The following HECTD3 variants were observed in gnomAD, a reference collection of about 807,000 sequenced individuals.
HECTD3 encodes the protein HECT domain E3 ubiquitin protein ligase 3, also known as E3 ubiquitin-protein ligase HECTD3.
In HECTD3, 72 loss-of-function variants were observed where a neutral mutation model predicts 109.3. The ratio of observed to expected loss-of-function variants is 0.66; its 90% CI spans 0.54 to 0.80. The LOEUF (loss-of-function observed/expected upper bound fraction) is 0.80. Among genes scored for constraint, HECTD3 ranks in the 30% least tolerant of loss-of-function variants. The pLI is 0.00. For synonymous variants in HECTD3, 481 were observed against 471.8 expected (o/e 1.02, Z -0.25); for missense variants, 1,041 against 1,165.2 (o/e 0.89, Z 1.55).
At position 45,009,999 on chromosome 1, in the gene HECTD3, A is replaced by C; in HGVS notation, c.746T>G (p.Val249Gly). ...CCCAGCACCCACCGTGTAGGAGGAA[A>C]CGTCTATGCTCTCCACATACTGCTT... ...SVKQYVESIDVSSYTEEFNVS... is the reference protein window; with the variant it reads ...SVKQYVESIDGSSYTEEFNVS... The change falls in exon 4 of 21, where the codon GTT becomes GGT. Residue 249 changes from valine (V) to glycine (G), a missense_variant. Around this residue, in one of 2 missense-constraint regions of HECTD3, gnomAD observed 472 missense variants for 449.9 expected, o/e 1.05. Transcript: ENST00000372172. 6.5e-7 allele frequency: 1 copy of C among 1,531,026 alleles called. No homozygotes were observed. The highest frequency in any genetic ancestry group is 2.3e-5 in the East Asian group (1 of 44,042). 94.8% of individuals were successfully genotyped at this position (1,531,026 alleles called of 1,614,324 possible). A position where few individuals can be genotyped will look rare whatever the true frequency, so the allele number is the denominator to read the frequency against.
chr1:45,010,501 G>T, intron 2 of HECTD3, 45 bp downstream of exon 2: 1 of 1,609,980 alleles, frequency 6.2e-7, no homozygotes, highest in Non-Finnish European at 8.5e-7. Flanking sequence ...AAGCCCTCCT[G>T]GCCCGGCCTT....
Position 45,003,792 on chromosome 1 carries a change from CGT to C in HECTD3, c.2430-54_2430-53del. ...AGGAAGATGTGTTGGGGCACATGTACGTGTGTGGGGAGGGAGGACAGAAGGCG... is the reference window on the plus strand; with the variant it reads ...AGGAAGATGTGTTGGGGCACATGTACGTGTGGGGAGGGAGGACAGAAGGCG... On this transcript the variant is annotated intron_variant, in intron 19 of 20. Transcript: ENST00000372172. The surrounding 1 kb of genome is among the most constrained non-coding windows in gnomAD (Gnocchi z 4.7). The C allele has an allele frequency of 6.2e-7, 1 of 1,612,154 alleles. No homozygotes were observed. Among genetic ancestry groups the C allele is most frequent in the Non-Finnish European group, 8.5e-7 (1 of 1,178,278 alleles).
In HECTD3 at chr1:45,004,816, GGA is replaced by G. The variant is rs1467112472; in HGVS notation, c.1936-12_1936-11del. ...CTTCCAGGAGCTTCACCTAGGGGTT[GGA>G]GAGAGGCAGGGAGGTAACCTTTTCA... On this transcript the variant is annotated splice_polypyrimidine_tract_variant and intron_variant, in intron 15 of 20. Transcript: ENST00000372172. The G allele has an allele frequency of 1.2e-6, 2 of 1,612,804 alleles. No homozygotes were observed. The highest frequency in any genetic ancestry group is 1.7e-6 in the Non-Finnish European group (2 of 1,178,798).
Position 45,004,722 on chromosome 1 carries a change from G to A in HECTD3, c.2020C>T (p.Leu674=), listed in dbSNP as rs1644720119. The A allele has an allele frequency of 6.2e-7, 1 of 1,614,158 alleles. No individual in the cohort carries two copies. The highest frequency in any genetic ancestry group is 2.2e-5 in the East Asian group (1 of 44,890). Residue 674 remains leucine, a synonymous_variant, in exon 16 of 21, where the codon CTG becomes TTG. Coordinates refer to ENST00000372172, the MANE Select transcript of HECTD3 (RefSeq NM_024602.6). ...AGCTCCACCACCTGTTGGTCACTCAGTACAGTGGTGAATGTTAGTTCCTTC... is the reference window on the plus strand; with the variant it reads ...AGCTCCACCACCTGTTGGTCACTCAATACAGTGGTGAATGTTAGTTCCTTC... The part of the protein sequence containing the change: ...FGKELTFTTV[L]SDQQVVELIP...
chr1:45,007,375 A>G (rs1371365369), intron 10 of HECTD3, 38 bp downstream of exon 10: 1 of 1,611,890 alleles, frequency 6.2e-7, no homozygotes, highest in Non-Finnish European at 8.5e-7. Flanking sequence ...TTGGCCCTTG[A>G]CTGATCCTAT....
At chr1:45,010,469 AG>A (rs1644778659) in intron 2 of HECTD3, 76 bp downstream of exon 2, 1 of 1,577,210 alleles carries the variant, frequency 6.3e-7, no homozygotes, top group African/African-American at 1.4e-5. Context: ...CACCCACCCC[AG>A]GCTGTGGCTG....
Position 45,006,252 on chromosome 1 carries a change from C to T in HECTD3, c.1726-136G>A, listed in dbSNP as rs1415813143. ...TCAAATGCACAGTGGCTCCTCCTCTCCCTGTCTGCCCAGAGGTTGCCCTGA... is the reference window on the plus strand; with the variant it reads ...TCAAATGCACAGTGGCTCCTCCTCTTCCTGTCTGCCCAGAGGTTGCCCTGA... On this transcript the variant is annotated intron_variant, in intron 13 of 20. Transcript: ENST00000372172. The surrounding 1 kb of genome is among the most constrained non-coding windows in gnomAD (Gnocchi z 4.7). 92 of 1,136,654 alleles carry T rather than the reference C, an allele frequency of 8.1e-5. No individual in the cohort carries two copies. The East Asian group carries it at 2.2e-3, about 27-fold the overall frequency. 70.4% of individuals were successfully genotyped at this position (1,136,654 alleles called of 1,614,324 possible). A position where few individuals can be genotyped will look rare whatever the true frequency, so the allele number is the denominator to read the frequency against.
chr1:45,003,433 C>A lies in HECTD3; in HGVS notation c.*59G>T, dbSNP rs1300030494. On this transcript the variant is annotated 3_prime_UTR_variant, in exon 21 of 21. Transcript: ENST00000372172. The surrounding 1 kb of genome is among the most constrained non-coding windows in gnomAD (Gnocchi z 4.7). The stretch of plus-strand genomic sequence containing the variant: ...CCAGGGCAGGGAAGGTGTCTTCGCC[C>A]TGGGCAAGGCCAAGAGGGACACGTG... 1 of 1,507,516 alleles carries A rather than the reference C, an allele frequency of 6.6e-7. No homozygotes were observed. The highest frequency in any genetic ancestry group is 9.2e-7 in the Non-Finnish European group (1 of 1,085,102). 93.4% of individuals were successfully genotyped at this position (1,507,516 alleles called of 1,614,324 possible). A position where few individuals can be genotyped will look rare whatever the true frequency, so the allele number is the denominator to read the frequency against.
chr1:45,003,173 G>C lies in HECTD3; in HGVS notation c.*319C>G, dbSNP rs1002785985. ...AGCTGAAAATGGAGGCAAAGTCCAT[G>C]GGTTGGGGACCTAGATGGCCCCCTT... On this transcript the variant is annotated 3_prime_UTR_variant, in exon 21 of 21. Transcript: ENST00000372172. The surrounding 1 kb of genome is among the most constrained non-coding windows in gnomAD (Gnocchi z 4.7). The C allele has an allele frequency of 1.2e-5, 4 of 335,142 alleles. No individual in the cohort carries two copies. The highest frequency in any genetic ancestry group is 2.1e-5 in the African/African-American group (1 of 48,692). 20.8% of individuals were successfully genotyped at this position (335,142 alleles called of 1,614,324 possible). A position where few individuals can be genotyped will look rare whatever the true frequency, so the allele number is the denominator to read the frequency against.
At position 45,003,451 on chromosome 1, in the gene HECTD3, G is replaced by T. The variant is rs777716735; in HGVS notation, c.*41C>A. ...CTTCGCCCTGGGCAAGGCCAAGAGG[G>T]ACACGTGCAGTCTTGCTGGTCCCAC... On this transcript the variant is annotated 3_prime_UTR_variant, in exon 21 of 21. Coordinates refer to ENST00000372172, the MANE Select transcript of HECTD3 (RefSeq NM_024602.6). The surrounding 1 kb of genome is among the most constrained non-coding windows in gnomAD (Gnocchi z 4.7). The T allele has an allele frequency of 6.3e-7, 1 of 1,575,962 alleles. No individual in the cohort carries two copies. The highest frequency in any genetic ancestry group is 1.1e-5 in the South Asian group (1 of 90,294).
In HECTD3 at chr1:45,006,032, G is replaced by A; in HGVS notation, c.1810C>T (p.Leu604=). 6.2e-7 allele frequency: 1 copy of A among 1,614,138 alleles called. No homozygotes were observed. The highest frequency in any genetic ancestry group is 1.1e-5 in the South Asian group (1 of 91,082). The part of the protein sequence containing the change: ...DFAKYEWIGQ[L]MGAALRGKEF... ...TTACCCCGAAGGGCAGCCCCCATCA[G>A]CTGTCCGATCCATTCATACTTGGCA... The change falls in exon 14 of 21, where the codon CTG becomes TTG. Residue 604 remains leucine, a synonymous_variant. Coordinates refer to ENST00000372172, the MANE Select transcript of HECTD3 (RefSeq NM_024602.6). This position sits in a 1 kb window ranked among gnomAD's most constrained non-coding sequence, Gnocchi z 4.7.
chr1:45,007,680 C>G, intron 9 of HECTD3, 85 bp from the exon 10 acceptor site: 1 of 1,130,032 alleles, frequency 8.8e-7, no homozygotes, highest in Non-Finnish European at 1.3e-6. Flanking sequence ...TGCCTGTATC[C>G]AATTCCACCG....
Position 45,011,149 on chromosome 1 carries a change from G to A in HECTD3, c.109C>T (p.Pro37Ser). 1 of 1,504,456 alleles carries A rather than the reference G, an allele frequency of 6.6e-7. No homozygotes were observed. The highest frequency in any genetic ancestry group is 8.8e-7 in the Non-Finnish European group (1 of 1,135,450). 93.2% of individuals were successfully genotyped at this position (1,504,456 alleles called of 1,614,324 possible). Residue 37 changes from proline to serine, a missense_variant, in exon 1 of 21, where the codon CCA (proline) becomes TCA (serine). By Grantham distance (74) the Pro-to-Ser change is moderately conservative. This residue lies in a region of HECTD3 where 472 missense variants were observed against 449.9 expected (regional missense o/e 1.05). Transcript: ENST00000372172. ...ARSLRAGRPL[P>S]AALAFVPREV... ...CGCGGCACGAAAGCCAGCGCTGCTGGCAGCGGCCGCCCGGCGCGGAGGCTC... is the reference window on the plus strand; with the variant it reads ...CGCGGCACGAAAGCCAGCGCTGCTGACAGCGGCCGCCCGGCGCGGAGGCTC...
At chr1:45,005,940 G>T (rs2148976793) in intron 14 of HECTD3, 57 bp from the exon 15 acceptor site, 2 of 1,606,958 alleles carry the variant, frequency 1.2e-6, no homozygotes, top group South Asian at 2.2e-5. Flanking sequence ...GGTTTGGCTG[G>T]CCTTTCCTTC....
chr1:45,005,968 C>A (rs760142112), intron 14 of HECTD3, 29 bp downstream of exon 14: 1 of 1,610,976 alleles, frequency 6.2e-7, no homozygotes, highest in African/African-American at 1.3e-5. Flanking sequence ...CAGGGCTGAT[C>A]GGACGGGGGT....
At position 45,003,544 on chromosome 1, in the gene HECTD3, G is replaced by A; in HGVS notation, c.2534C>T (p.Ala845Val). The change falls in exon 21 of 21, where the codon GCG becomes GTG. Residue 845 changes from alanine (A) to valine (V), a missense_variant. Ala to Val is a moderately conservative substitution (Grantham distance 64, BLOSUM62 0). Coordinates refer to ENST00000372172, the MANE Select transcript of HECTD3 (RefSeq NM_024602.6). This position sits in a 1 kb window ranked among gnomAD's most constrained non-coding sequence, Gnocchi z 4.7. ...GTCGATGGCCACGCAGTTGTAGGCC[G>A]CATAGCGGAGCTTCTCCTCGCATAC... is the stretch of plus-strand genomic sequence containing the variant. ...AKVCEEKLRY[A>V]AYNCVAIDTD... The A allele has an allele frequency of 1.9e-6, 3 of 1,614,222 alleles. No homozygotes were observed. Among genetic ancestry groups the A allele is most frequent in the Non-Finnish European group, 2.5e-6 (3 of 1,180,030 alleles).
chr1:45,010,613 T>TGGGTACCAGGC lies in HECTD3; in HGVS notation c.452_462dup (p.Ile155AlafsTer34). On this transcript the variant is annotated frameshift_variant, in exon 2 of 21. Transcript: ENST00000372172. LOFTEE classifies it high-confidence loss of function. The stretch of plus-strand genomic sequence containing the variant: ...CGCTGGAGGTGGTTGGGAGTGTCGA[T>TGGGTACCAGGC]GGGTACCAGGCGGGCTCCGCCCTCC... 6.2e-7 allele frequency: 1 copy of TGGGTACCAGGC among 1,612,818 alleles called. No individual in the cohort carries two copies. Among genetic ancestry groups the TGGGTACCAGGC allele is most frequent in the South Asian group, 1.1e-5 (1 of 91,004 alleles).
In HECTD3 at chr1:45,010,672, A is replaced by C. The variant is rs1644781806; in HGVS notation, c.404T>G (p.Leu135Arg). The C allele has an allele frequency of 1.9e-6, 3 of 1,581,538 alleles. No individual in the cohort carries two copies. Among genetic ancestry groups the C allele is most frequent in the Non-Finnish European group, 2.6e-6 (3 of 1,168,188 alleles). ...GCACACCAGCAGCCAGCCTTCCTGC[A>C]GCCCGCAGTCGCCCAGGTGCTCTGC... Reference protein sequence around the residue: ...QLAEHLGDCGLQEGWLLVCRP... With the variant: ...QLAEHLGDCGRQEGWLLVCRP... The change falls in exon 2 of 21, where the codon CTG becomes CGG. Residue 135 changes from leucine (L) to arginine (R), a missense_variant. Leu to Arg is a moderately radical substitution (Grantham distance 102). This residue lies in a region of HECTD3 where 472 missense variants were observed against 449.9 expected (regional missense o/e 1.05). Transcript: ENST00000372172.
rs780100484 is a variant in HECTD3 at position 45,010,712 on chromosome 1, G to C, written c.370-6C>G. ...AGGTGCTCTGCCAGCTGCTCCTGCC[G>C]GGACGCGTAGGATGGGGACAGCCGT... On this transcript the variant is annotated splice_region_variant and splice_polypyrimidine_tract_variant and intron_variant, in intron 1 of 20. Transcript: ENST00000372172. 1 of 1,540,036 alleles carries C rather than the reference G, an allele frequency of 6.5e-7. No homozygotes were observed. Among genetic ancestry groups the C allele is most frequent in the Non-Finnish European group, 8.7e-7 (1 of 1,148,510 alleles).
Sources: allele counts gnomAD v4.1 joint callset, GRCh38; gene constraint gnomAD v4.1.1; regional missense constraint gnomAD v4.1.1; non-coding constraint Gnocchi (gnomAD v3.1); transcripts MANE v1.5; gene names NCBI Gene and HGNC (gene_info 2026-07-23, HGNC 2026-07-21).